The following SYT14 variants were observed in gnomAD, a reference collection of about 807,000 sequenced individuals.
SYT14 encodes the protein synaptotagmin-14.
In SYT14, 32 loss-of-function variants were observed where a neutral mutation model predicts 74.2. The ratio of observed to expected loss-of-function variants is 0.43; its 90% confidence interval spans 0.33 to 0.58. The LOEUF is 0.58. Ranked by LOEUF, SYT14 falls within the 20% of genes least tolerant of loss-of-function variation. SYT14 has a pLI of 0.05. For synonymous variants in SYT14, 298 were observed against 337.7 expected (o/e 0.88, Z 1.29); for missense variants, 791 against 981.8 (o/e 0.81, Z 2.60).
At chr1:209,943,374 G>A (rs118099292) in intron 1 of SYT14, among the ~76,000 whole-genome samples, 5,399 of 151,856 alleles carry the variant, frequency 0.036, 625 homozygotes, top group Admixed American at 0.24. Context: ...GTGTAGTGGC[G>A]CATACCTGTA....
chr1:210,167,092 C>G lies in SYT14; in HGVS notation c.*6050C>G, dbSNP rs1461905864. ...GTTCAAATATTTCCTTCTAAGTTAT[C>G]TTTACAATGATGGATATAAAGTGAA... On this transcript the variant is annotated 3_prime_UTR_variant, in exon 10 of 10. Transcript: ENST00000637265. 3 of 152,196 alleles carry G rather than the reference C, an allele frequency of 2.0e-5. No individual in the cohort carries two copies. The East Asian group carries it at 5.8e-4, about 29-fold the overall frequency. 9.4% of individuals were successfully genotyped at this position (152,196 alleles called of 1,614,324 possible).
chr1:210,150,363 C>G (rs1373612539), intron 7 of SYT14, among the ~76,000 whole-genome samples: 1 of 152,166 alleles, frequency 6.6e-6, no homozygotes, highest in African/African-American at 2.4e-5. Context: ...TTTTTACAAA[C>G]CCTACTAAAA....
intron 5 of SYT14, among the ~76,000 whole-genome samples, chr1:210,076,210 T>A (rs2081497752): frequency 6.6e-6 from 1 of 152,196 alleles, no homozygotes; most frequent in South Asian, 2.1e-4. Context: ...GGGTCATGAT[T>A]AATATTGATT....
intron 1 of SYT14, among the ~76,000 whole-genome samples, chr1:209,942,132 G>A (rs1303933560): frequency 6.6e-6 from 1 of 152,082 alleles, no homozygotes; most frequent in Non-Finnish European, 1.5e-5. Context: ...ATGATCTCAA[G>A]CCAAGTTTCT....
chr1:210,084,020 G>A (rs1207980820), intron 5 of SYT14, among the ~76,000 whole-genome samples: 14 of 152,086 alleles, frequency 9.2e-5, no homozygotes, highest in Admixed American at 9.2e-4. Flanking sequence ...GATAATTTTT[G>A]AAAATCTATA....
Position 210,161,191 on chromosome 1 carries a change from G to A in SYT14, c.*149G>A, listed in dbSNP as rs775178368. 38 of 841,250 alleles carry A rather than the reference G, an allele frequency of 4.5e-5. 2 individuals carry two copies. The highest frequency in any genetic ancestry group is 3.1e-4 in the South Asian group (22 of 70,408). The allele number at this position is 841,250 out of a possible 1,614,324, so 52.1% of individuals were successfully genotyped here. ...ATGCTTTAAGTTCTATGGAAAGAAC[G>A]TCTCATACTGACATAAATGAAGAAA... is the stretch of plus-strand genomic sequence containing the variant. On this transcript the variant is annotated 3_prime_UTR_variant, in exon 10 of 10. Coordinates refer to ENST00000637265, the Ensembl canonical transcript of SYT14.
intron 7 of SYT14, among the ~76,000 whole-genome samples, chr1:210,147,507 G>C (rs898832629): frequency 4.6e-5 from 7 of 152,014 alleles, no homozygotes; most frequent in African/African-American, 1.7e-4. Flanking sequence ...ATATATAAGG[G>C]AACAACAATT....
chr1:209,996,437 G>C (rs2079791946), intron 2 of SYT14, among the ~76,000 whole-genome samples: 1 of 152,038 alleles, frequency 6.6e-6, no homozygotes. Flanking sequence ...TCAATATAAA[G>C]ATCTGAATTT....
chr1:209,958,308 G>A (rs1309863929), intron 2 of SYT14, among the ~76,000 whole-genome samples: 8 of 151,706 alleles, frequency 5.3e-5, no homozygotes, highest in Non-Finnish European at 1.2e-4. Context: ...TGTGATTCTT[G>A]TTATCTATTA....
rs191247185 is a variant in SYT14, at chr1:210,077,797, T to C, written c.1313-16525T>C. 1.3e-4 allele frequency among the ~76,000 whole-genome samples: 20 copies of C among 152,294 alleles called. No individual in the cohort carries two copies. The East Asian group carries it at 3.9e-3, about 29-fold the overall frequency. Reference sequence around the variant, plus strand: ...GATATTTTAATGGGGTATAAAGTGGTATCTGACTGTGATTTGGGGGAAATT... The same window carrying C: ...GATATTTTAATGGGGTATAAAGTGGCATCTGACTGTGATTTGGGGGAAATT... On this transcript the variant is annotated intron_variant, in intron 5 of 9. Transcript: ENST00000637265.
chr1:210,099,901 C>A, intron 6 of SYT14, 111 bp from the exon 6 acceptor site: 6 of 1,093,130 alleles, frequency 5.5e-6, no homozygotes, highest in Non-Finnish European at 8.0e-6. Context: ...GTATTACTTT[C>A]TTTGTGGCAG....
intron 7 of SYT14, 143 bp from the exon 7 acceptor site, chr1:210,155,578 A>G (rs945443435): frequency 1.3e-5 from 11 of 839,990 alleles, no homozygotes; most frequent in Non-Finnish European, 1.9e-5. Context: ...TATGCTAAGG[A>G]CAATAATTCT....
Position 210,021,270 on chromosome 1 carries a change from T to A in SYT14, c.1312+16T>A. ...ATAGATGAAGGTAAGATGGGCTGTT[T>A]TATTTTTTTTACATGACACACTATA... On this transcript the variant is annotated intron_variant, in intron 5 of 9. Transcript: ENST00000637265. The A allele has an allele frequency of 6.2e-7, 1 of 1,605,348 alleles. No homozygotes were observed. Among genetic ancestry groups the A allele is most frequent in the Non-Finnish European group, 8.5e-7 (1 of 1,172,250 alleles).
chr1:210,000,825 G>A (rs2079887379), intron 2 of SYT14, among the ~76,000 whole-genome samples: 1 of 151,804 alleles, frequency 6.6e-6, no homozygotes, highest in Admixed American at 6.6e-5. Flanking sequence ...ATCTTGGCCA[G>A]GCTGGTCTTG....
chr1:210,015,278 AT>A (rs1246900378), intron 3 of SYT14, among the ~76,000 whole-genome samples: 1 of 152,190 alleles, frequency 6.6e-6, no homozygotes, highest in East Asian at 1.9e-4. Flanking sequence ...GCCAATGAGA[AT>A]GAAAAAGTTA....
At chr1:209,989,304 A>G (rs2079624445) in intron 2 of SYT14, among the ~76,000 whole-genome samples, 1 of 152,244 alleles carries the variant, frequency 6.6e-6, no homozygotes, top group Non-Finnish European at 1.5e-5. Flanking sequence ...GAAATTACAC[A>G]GGAACTGAGA....
At chr1:210,062,829 T>A (rs2081230290) in intron 5 of SYT14, among the ~76,000 whole-genome samples, 2 of 151,870 alleles carry the variant, frequency 1.3e-5, no homozygotes, top group Admixed American at 6.6e-5. Flanking sequence ...TTTTAAAGTT[T>A]AATATTAAAT....
chr1:210,094,393 A>G (rs754430593), exon 6 of SYT14: 3 of 1,614,052 alleles, frequency 1.9e-6, no homozygotes, highest in Non-Finnish European at 1.7e-6. Flanking sequence ...TCAGGATGAC[A>G]GTGGTTCTCC....
intron 5 of SYT14, among the ~76,000 whole-genome samples, chr1:210,075,921 G>A (rs1467994947): frequency 1.3e-5 from 2 of 152,110 alleles, no homozygotes; most frequent in African/African-American, 2.4e-5. Context: ...CATGATGGGT[G>A]TATTTTTTAA....
Sources: allele counts gnomAD v4.1 joint callset (sites outside exome capture counted in the v4.1 genomes callset), GRCh38; gene constraint gnomAD v4.1.1; transcripts MANE v1.5; gene names NCBI Gene and HGNC (gene_info 2026-07-23, HGNC 2026-07-21).